Variants in KCNQ5 observed in about 807,000 individuals in gnomAD.
The protein encoded by KCNQ5 is potassium voltage-gated channel subfamily Q member 5.
A neutral mutation model predicts 98.2 loss-of-function variants in KCNQ5; 30 were observed. The ratio of observed to expected loss-of-function variants is 0.31; its 90% CI spans 0.23 to 0.41. KCNQ5 has a LOEUF of 0.41. Among genes scored for constraint, KCNQ5 ranks in the 10% least tolerant of loss-of-function variants. The pLI is 1.00. For synonymous variants in KCNQ5, 458 were observed against 449.4 expected, an observed-to-expected ratio of 1.02 and a Z score of -0.24; for missense variants, 835 against 1,182.5, an observed-to-expected ratio of 0.71 and a Z score of 4.31.
At chr6:73,035,104 G>A (rs1306919278) in intron 2 of KCNQ5, among the ~76,000 whole-genome samples, 1 of 151,830 alleles carries the variant, frequency 6.6e-6, no homozygotes, top group East Asian at 1.9e-4. Flanking sequence ...CTCGGCTTCC[G>A]AAAGCGCTGG....
At chr6:72,795,680 T>G (rs548174013) in intron 1 of KCNQ5, among the ~76,000 whole-genome samples, 9 of 152,226 alleles carry the variant, frequency 5.9e-5, no homozygotes, top group African/African-American at 1.9e-4. Flanking sequence ...TTAAAAGCAT[T>G]TGTTGTATAT....
chr6:72,984,578 T>C (rs1396797689), intron 1 of KCNQ5, among the ~76,000 whole-genome samples: 1 of 152,206 alleles, frequency 6.6e-6, no homozygotes, highest in Non-Finnish European at 1.5e-5. Context: ...AGCCTAGTAT[T>C]GGGGTGGCAG....
chr6:73,198,815 T>G lies in KCNQ5; in HGVS notation c.*3401T>G, dbSNP rs1765882775. On this transcript the variant is annotated 3_prime_UTR_variant, in exon 14 of 14. Coordinates refer to ENST00000370398, the MANE Select transcript of KCNQ5 (RefSeq NM_019842.4). ...CTTTGCTCTCTTTTACTGGGATTATTTGTTTTAAAGTAAAACATTAAAAAG... is the reference window on the plus strand; with the variant it reads ...CTTTGCTCTCTTTTACTGGGATTATGTGTTTTAAAGTAAAACATTAAAAAG... 1 of 152,254 alleles carries G rather than the reference T, an allele frequency of 6.6e-6. No individual in the cohort carries two copies. The highest frequency in any genetic ancestry group is 1.5e-5 in the Non-Finnish European group (1 of 68,046). 9.4% of individuals were successfully genotyped at this position (152,254 alleles called of 1,614,324 possible).
At chr6:72,878,297 T>C (rs755289366) in intron 1 of KCNQ5, among the ~76,000 whole-genome samples, 3 of 152,038 alleles carry the variant, frequency 2.0e-5, no homozygotes, top group Non-Finnish European at 4.4e-5. Flanking sequence ...AGAAAATCCA[T>C]AGATGCCTTT....
chr6:72,712,172 T>G (rs900914115), intron 1 of KCNQ5, among the ~76,000 whole-genome samples: 4 of 152,128 alleles, frequency 2.6e-5, no homozygotes, highest in Admixed American at 2.0e-4. Flanking sequence ...ATAGATTACC[T>G]AGGAAAGAGT....
In KCNQ5 at chr6:72,938,735, A is replaced by C. The variant is rs138774787; in HGVS notation, c.399-65173A>C. Among the ~76,000 whole-genome samples, 875 of 152,280 alleles carry C rather than the reference A, an allele frequency of 5.7e-3. 7 individuals are homozygous for C. The highest frequency in any genetic ancestry group is 9.6e-3 in the Non-Finnish European group (650 of 68,022). On this transcript the variant is annotated intron_variant, in intron 1 of 13. Coordinates refer to ENST00000370398, the MANE Select transcript of KCNQ5 (RefSeq NM_019842.4). ...TTTATGATATGTATATTATACCTCAAGAAAGCTTTTTTAAAAAAATAAAGC... is the reference window on the plus strand; with the variant it reads ...TTTATGATATGTATATTATACCTCACGAAAGCTTTTTTAAAAAAATAAAGC...
intron 2 of KCNQ5, among the ~76,000 whole-genome samples, chr6:73,037,550 A>G (rs1243750978): frequency 6.6e-6 from 1 of 152,184 alleles, no homozygotes; most frequent in Non-Finnish European, 1.5e-5. Flanking sequence ...GATAGGAAGT[A>G]TAGATTAAGG....
In KCNQ5 at chr6:72,966,492, C is replaced by T. The variant is rs6924551; in HGVS notation, c.399-37416C>T. ...CTGAGGAAGGAGAATCTCTTGAACC[C>T]GGGAGGCAGAGGTTGCAGTGAGGCA... On this transcript the variant is annotated intron_variant, in intron 1 of 13. Transcript: ENST00000370398. Among the ~76,000 whole-genome samples, 1,054 of 151,880 alleles carry T rather than the reference C, an allele frequency of 6.9e-3. 6 individuals carry two copies. Among genetic ancestry groups the T allele is most frequent in the Non-Finnish European group, 0.011 (732 of 67,968 alleles).
chr6:72,938,377 G>A (rs9446792), intron 1 of KCNQ5, among the ~76,000 whole-genome samples: 3,807 of 152,000 alleles, frequency 0.025, 146 homozygotes, highest in African/African-American at 0.074. Flanking sequence ...AAAATTGTAC[G>A]TTTATTTATT....
intron 3 of KCNQ5, among the ~76,000 whole-genome samples, chr6:73,060,217 G>GTC (rs147579043): frequency 0.036 from 5,530 of 152,174 alleles, 164 homozygotes; most frequent in African/African-American, 0.083. Context: ...TCTGCCAAAT[G>GTC]TCTCCCCTTG....
intron 1 of KCNQ5, among the ~76,000 whole-genome samples, chr6:72,914,455 A>G (rs1393333558): frequency 6.6e-5 from 10 of 150,626 alleles, no homozygotes; most frequent in Non-Finnish European, 1.3e-4. Context: ...AGCTCAACAA[A>G]GGGCTATCTT....
At chr6:72,748,107 G>A (rs2882326) in intron 1 of KCNQ5, among the ~76,000 whole-genome samples, 26 of 152,236 alleles carry the variant, frequency 1.7e-4, no homozygotes, top group African/African-American at 5.5e-4. Flanking sequence ...AAGGGGAAAG[G>A]GAAGAGGAAT....
At chr6:72,624,127 A>C (rs933721116) in intron 1 of KCNQ5, among the ~76,000 whole-genome samples, 2 of 152,226 alleles carry the variant, frequency 1.3e-5, no homozygotes, top group African/African-American at 4.8e-5. Context: ...CATTACATCA[A>C]AAAGTATAAC....
At chr6:72,880,880 G>A (rs1318882703) in intron 1 of KCNQ5, among the ~76,000 whole-genome samples, 3 of 152,122 alleles carry the variant, frequency 2.0e-5, no homozygotes, top group Non-Finnish European at 2.9e-5. Context: ...TTACTAGAAT[G>A]TCCAGTACAG....
intron 1 of KCNQ5, among the ~76,000 whole-genome samples, chr6:72,734,181 G>A (rs1248018038): frequency 6.6e-6 from 1 of 152,152 alleles, no homozygotes; most frequent in Non-Finnish European, 1.5e-5. Context: ...TGATTGCAGA[G>A]GAGCTTTGTA....
At chr6:73,174,608 A>T (rs1778144980) in intron 11 of KCNQ5, among the ~76,000 whole-genome samples, 1 of 152,126 alleles carries the variant, frequency 6.6e-6, no homozygotes. Context: ...ACGACTTTAC[A>T]CTGGTACCAT....
intron 1 of KCNQ5, among the ~76,000 whole-genome samples, chr6:72,861,026 T>C (rs2150152904): frequency 6.6e-6 from 1 of 152,228 alleles, no homozygotes; most frequent in East Asian, 1.9e-4. Flanking sequence ...TCTGTGGATA[T>C]TAGGGTTGAG....
chr6:72,772,708 A>G (rs1248933001), intron 1 of KCNQ5, among the ~76,000 whole-genome samples: 1 of 152,182 alleles, frequency 6.6e-6, no homozygotes, highest in East Asian at 1.9e-4. Context: ...TACTTGCTCA[A>G]CCTGTCAATT....
chr6:73,177,843 G>C lies in KCNQ5; in HGVS notation c.1577+7989G>C, dbSNP rs192772874. On this transcript the variant is annotated intron_variant, in intron 11 of 13. Transcript: ENST00000370398. ...TTTAAAATCAGCTAATATACTCCCT[G>C]GAATGTTGTTTTTGCTTGTTTTTGT... Among the ~76,000 whole-genome samples, 4 of 152,224 alleles carry C rather than the reference G, an allele frequency of 2.6e-5. No homozygotes were observed. In the East Asian group the frequency reaches 7.7e-4, roughly 29 times the overall value.
Sources: gnomAD v4.1 joint callset for allele counts (sites outside exome capture counted in the v4.1 genomes callset) on GRCh38, gnomAD v4.1.1 for gene constraint, MANE v1.5 for transcripts, NCBI Gene and HGNC (gene_info 2026-07-23, HGNC 2026-07-21) for gene names.